Variants in PDE1C observed in about 807,000 individuals in gnomAD.
The protein encoded by PDE1C is phosphodiesterase 1C, also known as dual specificity calcium/calmodulin-dependent 3',5'-cyclic nucleotide phosphodiesterase 1C.
A neutral mutation model predicts 93.1 loss-of-function variants in PDE1C; 62 were observed. The ratio of observed to expected loss-of-function variants is 0.67; its 90% CI spans 0.54 to 0.82. The LOEUF is 0.82. Ranked by LOEUF, PDE1C falls within the 40% of genes least tolerant of loss-of-function variation. The pLI is 0.00. For synonymous variants in PDE1C, 325 were observed against 310.1 expected (o/e 1.05, Z -0.50); for missense variants, 742 against 884.6 (o/e 0.84, Z 2.04).
chr7:32,223,463 G>C (rs1402506299), intron 1 of PDE1C, among the ~76,000 whole-genome samples: 1 of 152,126 alleles, frequency 6.6e-6, no homozygotes, highest in African/African-American at 2.4e-5. Flanking sequence ...CCTATCCAGG[G>C]CCTCACTGAA....
intron 1 of PDE1C, among the ~76,000 whole-genome samples, chr7:32,354,877 AG>A (rs1784001572): frequency 3.3e-5 from 5 of 152,238 alleles, no homozygotes; most frequent in Non-Finnish European, 1.5e-5. Context: ...CTAAGGCCTA[AG>A]GGCCCTGATG....
intron 2 of PDE1C, among the ~76,000 whole-genome samples, chr7:31,924,094 C>T (rs1465501970): frequency 6.6e-6 from 1 of 152,118 alleles, no homozygotes; most frequent in Non-Finnish European, 1.5e-5. Flanking sequence ...TTTAGAGTAA[C>T]TTAACTTCAG....
At chr7:32,033,303 T>A (rs1376029315) in intron 2 of PDE1C, among the ~76,000 whole-genome samples, 1 of 152,048 alleles carries the variant, frequency 6.6e-6, no homozygotes, top group Non-Finnish European at 1.5e-5. Context: ...AAATTACAGC[T>A]TAATCTTCCT....
At chr7:32,178,237 A>C (rs556821141) in intron 2 of PDE1C, among the ~76,000 whole-genome samples, 21 of 152,280 alleles carry the variant, frequency 1.4e-4, no homozygotes, top group African/African-American at 5.1e-4. Context: ...CCTGCCTTAG[A>C]AGGATCACCA....
chr7:32,261,734 T>G (rs1401817981), intron 1 of PDE1C, among the ~76,000 whole-genome samples: 1 of 152,222 alleles, frequency 6.6e-6, no homozygotes, highest in Non-Finnish European at 1.5e-5. Flanking sequence ...ATAAACGTTA[T>G]AGTTAGAACA....
Position 31,850,672 on chromosome 7 carries a change from C to T in PDE1C, c.820G>A (p.Gly274Arg), listed in dbSNP as rs559775895. 15 of 1,613,096 alleles carry T rather than the reference C, an allele frequency of 9.3e-6. No homozygotes were observed. The highest frequency in any genetic ancestry group is 6.7e-5 in the Admixed American group (4 of 59,954). ...TGAATGTGGAAATTGTTGGTGGTTC[C>T]GGTATGCTCGTAGTCATGGATGGCA... ...SAAIHDYEHT[G>R]TTNNFHIQTR... Residue 274 changes from glycine (G) to arginine (R), a missense_variant, in exon 8 of 18, where the codon GGA (glycine) becomes AGA (arginine). Gly to Arg is a moderately radical substitution (Grantham distance 125, BLOSUM62 -2). Coordinates refer to ENST00000396191, the MANE Select transcript of PDE1C (RefSeq NM_001191057.4).
chr7:32,265,066 T>C (rs1810468563), intron 1 of PDE1C, among the ~76,000 whole-genome samples: 3 of 152,158 alleles, frequency 2.0e-5, no homozygotes, highest in Admixed American at 2.0e-4. Context: ...AGTAATGGGT[T>C]CAAGCAGTTA....
At chr7:32,411,430 G>A (rs1184080121) in intron 1 of PDE1C, among the ~76,000 whole-genome samples, 1 of 152,272 alleles carries the variant, frequency 6.6e-6, no homozygotes, top group East Asian at 1.9e-4. Context: ...AAATCCTGTA[G>A]GCAATGGCAA....
intron 2 of PDE1C, among the ~76,000 whole-genome samples, chr7:32,208,919 C>A (rs552912258): frequency 6.6e-6 from 1 of 152,338 alleles, no homozygotes; most frequent in East Asian, 1.9e-4. Context: ...GAAACCCATT[C>A]AATCCATCTA....
intron 15 of PDE1C, among the ~76,000 whole-genome samples, chr7:31,814,097 CA>C: frequency 6.6e-6 from 1 of 151,830 alleles, no homozygotes; most frequent in Middle Eastern, 3.4e-3. Context: ...CACACACACA[CA>C]CACATATATC....
chr7:32,399,581 C>CTTTTTTTTT (rs34748013), intron 1 of PDE1C, among the ~76,000 whole-genome samples: 1 of 117,532 alleles, frequency 8.5e-6, no homozygotes, highest in Non-Finnish European at 1.7e-5. Context: ...CTTCATTTAA[C>CTTTTTTTTT]TTTTTTTTTT....
chr7:32,240,060 T>A (rs1164609403), intron 1 of PDE1C, among the ~76,000 whole-genome samples: 1 of 152,192 alleles, frequency 6.6e-6, no homozygotes, highest in Admixed American at 6.5e-5. Flanking sequence ...TAGAGGTTTG[T>A]TTGTGTGGAT....
At chr7:32,035,679 T>C (rs1311226453) in intron 2 of PDE1C, among the ~76,000 whole-genome samples, 1 of 152,176 alleles carries the variant, frequency 6.6e-6, no homozygotes, top group African/African-American at 2.4e-5. Flanking sequence ...CCGAATTATT[T>C]GCTCATTAAA....
intron 6 of PDE1C, among the ~76,000 whole-genome samples, chr7:31,867,025 C>T (rs1437175534): frequency 6.6e-6 from 1 of 152,086 alleles, no homozygotes; most frequent in Non-Finnish European, 1.5e-5. Flanking sequence ...GAGCCCAGCC[C>T]CCACCAGACT....
intron 14 of PDE1C, among the ~76,000 whole-genome samples, chr7:31,817,861 T>A (rs902025346): frequency 2.6e-5 from 4 of 152,296 alleles, no homozygotes; most frequent in Middle Eastern, 3.4e-3. Context: ...CTTTATGACA[T>A]GTATTTTGTG....
At chr7:31,733,093 C>T in the PDE1C span, among the ~76,000 whole-genome samples, 1 of 152,172 alleles carries the variant, frequency 6.6e-6, no homozygotes. Context: ...TAAAGGTTTT[C>T]CCCTAAAGGG....
chr7:32,325,926 A>G (rs1043031475), intron 1 of PDE1C, among the ~76,000 whole-genome samples: 2 of 152,212 alleles, frequency 1.3e-5, no homozygotes, highest in African/African-American at 2.4e-5. Context: ...GATTGCAATC[A>G]TTCAGACAAG....
At chr7:31,951,624 C>T (rs1372846851) in intron 2 of PDE1C, among the ~76,000 whole-genome samples, 1 of 152,244 alleles carries the variant, frequency 6.6e-6, no homozygotes, top group Non-Finnish European at 1.5e-5. Flanking sequence ...CCCTCAGAGA[C>T]AACCACACAT....
chr7:31,876,960 A>G (rs1241747142), intron 5 of PDE1C, among the ~76,000 whole-genome samples: 1 of 152,224 alleles, frequency 6.6e-6, no homozygotes, highest in Non-Finnish European at 1.5e-5. Flanking sequence ...AGATTGTCCC[A>G]AGGGGCTCTT....
Sources: allele counts gnomAD v4.1 joint callset (sites outside exome capture counted in the v4.1 genomes callset), GRCh38; gene constraint gnomAD v4.1.1; transcripts MANE v1.5; gene names NCBI Gene and HGNC (gene_info 2026-07-23, HGNC 2026-07-21).